Variants in TLK1 observed in about 807,000 individuals in gnomAD.
The protein encoded by TLK1 is tousled like kinase 1.
Under a neutral mutation model 105.3 loss-of-function variants are expected in TLK1, and 24 were observed. The observed-to-expected ratio is 0.23, with a 90% CI of 0.17 to 0.32. The LOEUF (loss-of-function observed/expected upper bound fraction) is 0.32, where lower values mean the gene tolerates loss of function less well. Ranked by LOEUF, TLK1 falls within the 10% of genes least tolerant of loss-of-function variation. The probability of loss-of-function intolerance (pLI) is 1.00; values close to 1 mark genes in which losing one functional copy is unlikely to be tolerated. For synonymous variants in TLK1, 321 were observed against 310.4 expected, an observed-to-expected ratio of 1.03 and a Z score of -0.36; for missense variants, 558 against 910.5, an observed-to-expected ratio of 0.61 and a Z score of 4.98.
chr2:171,128,624 G>C (rs113201102), intron 1 of TLK1, among the ~76,000 whole-genome samples: 1 of 152,066 alleles, frequency 6.6e-6, no homozygotes, highest in East Asian at 1.9e-4. Flanking sequence ...ATATACTTCC[G>C]TGCCTAATTT....
intron 1 of TLK1, among the ~76,000 whole-genome samples, chr2:171,157,174 G>A (rs1291947572): frequency 6.6e-6 from 1 of 152,142 alleles, no homozygotes; most frequent in Non-Finnish European, 1.5e-5. Context: ...TAATTGGCAG[G>A]TTGGAGCAGG....
chr2:171,115,174 C>CTTTTTT (rs151300135), intron 2 of TLK1, among the ~76,000 whole-genome samples: 11 of 137,668 alleles, frequency 8.0e-5, no homozygotes, highest in African/African-American at 3.0e-4. Flanking sequence ...GAATTTCTTT[C>CTTTTTT]TTTTTTTTTT....
chr2:171,102,595 C>T (rs1575597071), intron 2 of TLK1, among the ~76,000 whole-genome samples: 1 of 152,084 alleles, frequency 6.6e-6, no homozygotes, highest in African/African-American at 2.4e-5. Context: ...TATTTAAAAT[C>T]CCTCATTCTA....
At chr2:171,166,410 G>A (rs1447394351) in intron 1 of TLK1, among the ~76,000 whole-genome samples, 2 of 152,206 alleles carry the variant, frequency 1.3e-5, no homozygotes, top group African/African-American at 4.8e-5. Flanking sequence ...ATCTGGGCTG[G>A]CCATCTAGCA....
At chr2:171,177,182 C>T (rs1438931814) in intron 1 of TLK1, among the ~76,000 whole-genome samples, 1 of 151,640 alleles carries the variant, frequency 6.6e-6, no homozygotes, top group Admixed American at 6.6e-5. Flanking sequence ...CACTCTGTCA[C>T]CCAGGCTGGA....
At chr2:171,028,826 A>T (rs547758126) in intron 11 of TLK1, among the ~76,000 whole-genome samples, 3 of 152,156 alleles carry the variant, frequency 2.0e-5, no homozygotes, top group East Asian at 1.9e-4. Flanking sequence ...AAGCAAGCAT[A>T]AAAAAAACCA....
At chr2:171,194,820 GAAAAAAAAAA>G (rs370489277) in intron 1 of TLK1, among the ~76,000 whole-genome samples, 1 of 94,406 alleles carries the variant, frequency 1.1e-5, no homozygotes, top group African/African-American at 4.6e-5. Flanking sequence ...CCGTCTCAGG[GAAAAAAAAAA>G]AAAAAAAAAA....
chr2:171,175,047 C>T (rs749000195), intron 1 of TLK1, among the ~76,000 whole-genome samples: 4 of 151,982 alleles, frequency 2.6e-5, no homozygotes, highest in South Asian at 2.1e-4. Context: ...CTGGGCAACA[C>T]GGCAAGGCCC....
chr2:171,047,031 T>C (rs532048967), intron 10 of TLK1, among the ~76,000 whole-genome samples: 65 of 152,256 alleles, frequency 4.3e-4, no homozygotes, highest in Admixed American at 5.2e-4. Context: ...ATTTTTTTGA[T>C]AATTTAAGGG....
chr2:171,133,142 C>A (rs2105560543), intron 1 of TLK1, among the ~76,000 whole-genome samples: 1 of 152,270 alleles, frequency 6.6e-6, no homozygotes, highest in South Asian at 2.1e-4. Context: ...AACATTGTTA[C>A]CTGTCAAGTA....
At chr2:171,021,419 CT>C (rs1366196125) in intron 12 of TLK1, among the ~76,000 whole-genome samples, 3 of 149,382 alleles carry the variant, frequency 2.0e-5, no homozygotes, top group Admixed American at 2.0e-4. Context: ...TTCTTTCCTG[CT>C]TTCCCGCCCC....
intron 3 of TLK1, among the ~76,000 whole-genome samples, chr2:171,068,778 A>G (rs550998820): frequency 6.6e-5 from 10 of 152,318 alleles, no homozygotes; most frequent in Middle Eastern, 3.4e-3. Flanking sequence ...GTTATTCCTT[A>G]AAGTCTTCCC....
intron 1 of TLK1, among the ~76,000 whole-genome samples, chr2:171,175,336 A>T (rs888925983): frequency 1.3e-5 from 2 of 152,218 alleles, no homozygotes; most frequent in Non-Finnish European, 2.9e-5. Flanking sequence ...TAGTGGTTGC[A>T]TTCTATGCTG....
At chr2:171,049,561 A>C (rs1687134227) in intron 10 of TLK1, among the ~76,000 whole-genome samples, 1 of 152,204 alleles carries the variant, frequency 6.6e-6, no homozygotes, top group African/African-American at 2.4e-5. Flanking sequence ...CTGTAAAGCT[A>C]AAGGTTCAAT....
At chr2:171,144,184 A>G (rs967093062) in intron 1 of TLK1, among the ~76,000 whole-genome samples, 9 of 152,212 alleles carry the variant, frequency 5.9e-5, no homozygotes, top group African/African-American at 2.2e-4. Context: ...ACATGAAGCA[A>G]AACTGACAGA....
chr2:171,194,834 A>AG (rs1412410571), intron 1 of TLK1, among the ~76,000 whole-genome samples: 3 of 151,878 alleles, frequency 2.0e-5, no homozygotes, highest in Non-Finnish European at 4.4e-5. Context: ...AAAAAAAAAA[A>AG]AAAAAAGTAA....
chr2:171,084,934 G>A lies in TLK1; in HGVS notation c.259-2082C>T, dbSNP rs1175221872. ...GATAATGCTTTAAGATAACCAGAAG[G>A]CAAAAAACAGGGACATTTTTGAAAT... is the stretch of plus-strand genomic sequence containing the variant. On this transcript the variant is annotated intron_variant, in intron 2 of 20. Transcript: ENST00000431350. 4.6e-5 allele frequency among the ~76,000 whole-genome samples: 7 copies of A among 152,040 alleles called. No individual in the cohort carries two copies. In the East Asian group the frequency reaches 9.7e-4, roughly 21 times the overall value.
chr2:171,000,573 G>A lies in TLK1; in HGVS notation c.1905-2750C>T, dbSNP rs561116948. ...GAAAATCACTATTCATTAAGTGAAA[G>A]TGGATTATGACAAAAGTTTTCATCC... On this transcript the variant is annotated intron_variant, in intron 18 of 20. Transcript: ENST00000431350. 3.3e-5 allele frequency among the ~76,000 whole-genome samples: 5 copies of A among 152,186 alleles called. No individual in the cohort carries two copies. The South Asian group carries it at 6.2e-4, about 19-fold the overall frequency.
rs112117277 is a variant in TLK1, at chr2:171,052,349, T to C, written c.732+1412A>G. On this transcript the variant is annotated intron_variant, in intron 8 of 20. Coordinates refer to ENST00000431350, the MANE Select transcript of TLK1 (RefSeq NM_012290.5). ...TGGAAAATGCGTATGCCCTGTACTC[T>C]GGCTATGTCTTTCCTAAACATATAC... 4.6e-3 allele frequency among the ~76,000 whole-genome samples: 701 copies of C among 152,316 alleles called. 3 individuals carry two copies. Among genetic ancestry groups the C allele is most frequent in the Non-Finnish European group, 6.8e-3 (463 of 68,026 alleles).
Sources: gnomAD v4.1 joint callset for allele counts (sites outside exome capture counted in the v4.1 genomes callset) on GRCh38, gnomAD v4.1.1 for gene constraint, MANE v1.5 for transcripts, NCBI Gene and HGNC (gene_info 2026-07-23, HGNC 2026-07-21) for gene names.